Variants in DOP1A observed in about 807,000 individuals in gnomAD.
DOP1A encodes protein DOP1A.
Under a neutral mutation model 267.6 loss-of-function variants are expected in DOP1A, and 90 were observed. The ratio of observed to expected loss-of-function variants is 0.34; its 90% confidence interval spans 0.28 to 0.40. The LOEUF (loss-of-function observed/expected upper bound fraction) is 0.40, where lower values mean the gene tolerates loss of function less well. Ranked by LOEUF, DOP1A falls within the 10% of genes least tolerant of loss-of-function variation. The probability of loss-of-function intolerance (pLI) is 1.00; values close to 1 mark genes in which losing one functional copy is unlikely to be tolerated. For missense variants in DOP1A, 2,437 were observed against 2,900.4 expected (o/e 0.84, Z 3.67); for synonymous variants, 932 against 999.1 (o/e 0.93, Z 1.27).
downstream of DOP1A, chr6:83,168,533 CCATGTTCTGG>C (rs899936673): frequency 9.9e-7 from 1 of 1,006,644 alleles, no homozygotes. Flanking sequence ...TCCTTATTAA[CCATGTTCTGG>C]TATCAGAATG....
At chr6:83,143,925 G>A (rs767028506) in intron 24 of DOP1A, among the ~76,000 whole-genome samples, 19 of 152,248 alleles carry the variant, frequency 1.2e-4, no homozygotes, top group Admixed American at 9.2e-4. Context: ...TCAAAACACT[G>A]GAGATAAAGA....
At chr6:83,118,780 C>T in intron 7 of DOP1A, 108 bp from the exon 8 acceptor site, 2 of 746,948 alleles carry the variant, frequency 2.7e-6, no homozygotes, top group Non-Finnish European at 4.1e-6. Flanking sequence ...CATGAAAGTA[C>T]TCCATACACC....
At chr6:83,068,402 T>G (rs904230021) in intron 1 of DOP1A, among the ~76,000 whole-genome samples, 4 of 152,280 alleles carry the variant, frequency 2.6e-5, no homozygotes, top group Middle Eastern at 3.4e-3. Flanking sequence ...TGTTCGGGCC[T>G]CCTCCATTCC....
Position 83,137,535 on chromosome 6 carries a change from G to A in DOP1A, c.3493G>A (p.Glu1165Lys), listed in dbSNP as rs777869773. 9.3e-6 allele frequency: 15 copies of A among 1,613,716 alleles called. No homozygotes were observed. The highest frequency in any genetic ancestry group is 2.2e-5 in the East Asian group (1 of 44,870). Residue 1165 changes from glutamate (E) to lysine (K), a missense_variant, in exon 21 of 39, where the codon GAA becomes AAA. By Grantham distance (56) the Glu-to-Lys change is moderately conservative (BLOSUM62 1). Transcript: ENST00000349129. ...DLICKVVSGLEVESASVTSQL... is the reference protein window; with the variant it reads ...DLICKVVSGLKVESASVTSQL... ...GATATGTAAAGTTGTAAGTGGCCTCGAAGTGGAATCTGCATCAGTTACATC... is the reference window on the plus strand; with the variant it reads ...GATATGTAAAGTTGTAAGTGGCCTCAAAGTGGAATCTGCATCAGTTACATC...
At chr6:83,105,103 A>G (rs986658937) in intron 4 of DOP1A, among the ~76,000 whole-genome samples, 27 of 152,110 alleles carry the variant, frequency 1.8e-4, no homozygotes, top group African/African-American at 6.3e-4. Flanking sequence ...ATAACCAAAC[A>G]ATTAAAATAT....
rs906653819 is a variant in DOP1A, at chr6:83,120,680, A to C, written c.991-3A>C. 10 of 1,562,984 alleles carry C rather than the reference A, an allele frequency of 6.4e-6. No homozygotes were observed. The highest frequency in any genetic ancestry group is 1.7e-4 in the Middle Eastern group (1 of 5,830). On this transcript the variant is annotated splice_polypyrimidine_tract_variant and splice_region_variant and intron_variant, in intron 9 of 38. Coordinates refer to ENST00000349129, the MANE Select transcript of DOP1A (RefSeq NM_015018.4). ...ATGACCAGTGTACTTTCCTTTTTTA[A>C]AGGCAATGGTGGGAATCTTACAAGT...
rs180956660 is a variant in DOP1A, at chr6:83,152,233, T to C, written c.6050-55T>C. Reference sequence around the variant, plus strand: ...TAATACACACACACACACACACACATAAAATTTATTTTCAGTGGGAATTAG... The same window carrying C: ...TAATACACACACACACACACACACACAAAATTTATTTTCAGTGGGAATTAG... On this transcript the variant is annotated intron_variant, in intron 29 of 38. Transcript: ENST00000349129. 367 of 986,886 alleles carry C rather than the reference T, an allele frequency of 3.7e-4. No homozygotes were observed. In the East Asian group the frequency reaches 7.4e-3, roughly 20 times the overall value. The allele number at this position is 986,886 out of a possible 1,614,324, so 61.1% of individuals were successfully genotyped here.
At chr6:83,097,515 T>C (rs757840867) in intron 3 of DOP1A, among the ~76,000 whole-genome samples, 3 of 152,186 alleles carry the variant, frequency 2.0e-5, no homozygotes, top group African/African-American at 4.8e-5. Context: ...AAATGATATA[T>C]AGCAACAAGG....
Position 83,168,107 on chromosome 6 carries a change from C to T in DOP1A, c.7338C>T (p.Ala2446=). The T allele has an allele frequency of 6.8e-6, 11 of 1,612,184 alleles. No homozygotes were observed. The highest frequency in any genetic ancestry group is 7.6e-6 in the Non-Finnish European group (9 of 1,179,432). Residue 2446 remains alanine (A), a synonymous_variant, in exon 39 of 39, where the codon GCC becomes GCT. Coordinates refer to ENST00000349129, the MANE Select transcript of DOP1A (RefSeq NM_015018.4). ...ACCACAAACCATGTTCCAGCAAAGC[C>T]AGGCAAAAAATAGAAGAGATGGTAG... ...LENHKPCSSK[A]RQKIEEMVEK... is the part of the protein sequence containing the mutation.
intron 27 of DOP1A, among the ~76,000 whole-genome samples, chr6:83,149,623 G>A (rs951667095): frequency 8.5e-5 from 13 of 152,056 alleles, no homozygotes; most frequent in Middle Eastern, 3.2e-3. Flanking sequence ...GAGTGGGAGC[G>A]GTTGCAGGTT....
chr6:83,137,534 C>T lies in DOP1A; in HGVS notation c.3492C>T (p.Leu1164=), dbSNP rs376711700. The change falls in exon 21 of 39, where the codon CTC becomes CTT. Residue 1164 remains leucine (L), a synonymous_variant. Transcript: ENST00000349129. ...TGATATGTAAAGTTGTAAGTGGCCT[C>T]GAAGTGGAATCTGCATCAGTTACAT... ...FDLICKVVSG[L]EVESASVTSQ... is the part of the protein sequence containing the mutation. The T allele has an allele frequency of 6.2e-7, 1 of 1,613,720 alleles. No homozygotes were observed. The highest frequency in any genetic ancestry group is 1.1e-5 in the South Asian group (1 of 91,062).
At position 83,121,011 on chromosome 6, in the gene DOP1A, A is replaced by AT. The variant is rs1776289808; in HGVS notation, c.1099+221dup. On this transcript the variant is annotated intron_variant, in intron 10 of 38. Coordinates refer to ENST00000349129, the MANE Select transcript of DOP1A (RefSeq NM_015018.4). Reference sequence around the variant, plus strand: ...CTTGTGGTATGTATGTAGCAGAAGAATCCCTTTAAAGATGCTATCTAAGCT... The same window carrying AT: ...CTTGTGGTATGTATGTAGCAGAAGAATTCCCTTTAAAGATGCTATCTAAGCT... Among the ~76,000 whole-genome samples, 3 of 151,990 alleles carry AT rather than the reference A, an allele frequency of 2.0e-5. No homozygotes were observed. The South Asian group carries it at 6.2e-4, about 31-fold the overall frequency.
intron 38 of DOP1A, chr6:83,164,957 G>T: frequency 4.8e-6 from 2 of 420,734 alleles, no homozygotes; most frequent in Non-Finnish European, 8.4e-6. Context: ...TGAATCAAGT[G>T]TATTCTTCTT....
chr6:83,110,347 A>G lies in DOP1A; in HGVS notation c.681+33A>G, dbSNP rs1774338313. ...TAAAAATATGGTTGCTCATTTCACAAATATTTCTTTAGAGTCAGGCACTAT... is the reference window on the plus strand; with the variant it reads ...TAAAAATATGGTTGCTCATTTCACAGATATTTCTTTAGAGTCAGGCACTAT... On this transcript the variant is annotated intron_variant, in intron 6 of 38. Transcript: ENST00000349129. 4 of 1,595,626 alleles carry G rather than the reference A, an allele frequency of 2.5e-6. No homozygotes were observed. In the East Asian group the frequency reaches 9.0e-5, roughly 36 times the overall value.
At chr6:83,144,171 C>T (rs939390748) in intron 24 of DOP1A, among the ~76,000 whole-genome samples, 6 of 152,040 alleles carry the variant, frequency 3.9e-5, no homozygotes, top group Non-Finnish European at 5.9e-5. Flanking sequence ...TGTAACTCCA[C>T]CGGAGGAGGA....
At chr6:83,097,960 A>G (rs1271378266) in intron 3 of DOP1A, among the ~76,000 whole-genome samples, 4 of 151,808 alleles carry the variant, frequency 2.6e-5, no homozygotes, top group African/African-American at 9.7e-5. Flanking sequence ...GTCCAGTGGC[A>G]TGATTATAGC....
At chr6:83,120,058 T>A (rs1259084880) in intron 9 of DOP1A, among the ~76,000 whole-genome samples, 1 of 151,874 alleles carries the variant, frequency 6.6e-6, no homozygotes, top group East Asian at 1.9e-4. Context: ...GACAAAAGAC[T>A]TTTTTTCTCT....
intron 38 of DOP1A, chr6:83,167,597 T>C: frequency 1.7e-6 from 2 of 1,159,110 alleles, no homozygotes; most frequent in Non-Finnish European, 2.1e-6. Context: ...TCTATTCCTG[T>C]TCAAAGCTAT....
chr6:83,084,551 G>T (rs1768723203), intron 1 of DOP1A, among the ~76,000 whole-genome samples: 2 of 152,006 alleles, frequency 1.3e-5, no homozygotes, highest in Non-Finnish European at 1.5e-5. Context: ...CGACGTCTGG[G>T]AGTATCATAC....
Sources: allele counts gnomAD v4.1 joint callset (sites outside exome capture counted in the v4.1 genomes callset), GRCh38; gene constraint gnomAD v4.1.1; transcripts MANE v1.5; gene names NCBI Gene and HGNC (gene_info 2026-07-23, HGNC 2026-07-21).